TBCD: variants seen among roughly 807,000 people sequenced by gnomAD.
TBCD encodes the protein tubulin folding cofactor D, also known as tubulin-specific chaperone D.
Under a neutral mutation model 169.3 loss-of-function variants are expected in TBCD, and 105 were observed. That is an observed-to-expected ratio of 0.62 (90% CI 0.53 to 0.73). TBCD has a LOEUF of 0.73. Ranked by LOEUF, TBCD falls within the 30% of genes least tolerant of loss-of-function variation. The pLI, the probability that TBCD is intolerant of heterozygous loss-of-function variation, is 0.00. For synonymous variants in TBCD, 700 were observed against 643.9 expected (o/e 1.09, Z -1.32); for missense variants, 1,444 against 1,600.1 (o/e 0.90, Z 1.66).
chr17:82,817,562 G>A (rs750621122), intron 13 of TBCD, among the ~76,000 whole-genome samples: 5 of 152,148 alleles, frequency 3.3e-5, no homozygotes, highest in Admixed American at 6.5e-5. Flanking sequence ...CTCCCAAAGT[G>A]CTAGGATTAT....
chr17:82,876,293 C>G (rs1599131573), intron 14 of TBCD, among the ~76,000 whole-genome samples: 1 of 152,318 alleles, frequency 6.6e-6, no homozygotes, highest in Middle Eastern at 3.4e-3. Flanking sequence ...ATCACATAAA[C>G]TTCTCCAGCG....
intron 13 of TBCD, among the ~76,000 whole-genome samples, chr17:82,851,342 A>G (rs1008730722): frequency 5.9e-5 from 9 of 152,248 alleles, no homozygotes; most frequent in African/African-American, 1.7e-4. Context: ...GGATGCAGCT[A>G]AGGAAACTTA....
In TBCD at chr17:82,927,171, C is replaced by G; in HGVS notation, c.2472-15C>G. 2 of 1,613,932 alleles carry G rather than the reference C, an allele frequency of 1.2e-6. No homozygotes were observed. The highest frequency in any genetic ancestry group is 1.7e-6 in the Non-Finnish European group (2 of 1,179,832). Reference sequence around the variant, plus strand: ...ACCGATGTTTGTTTGTTAGCTCACACATTTTAAATTTCAGGATTTGCCAGA... The same window carrying G: ...ACCGATGTTTGTTTGTTAGCTCACAGATTTTAAATTTCAGGATTTGCCAGA... On this transcript the variant is annotated splice_polypyrimidine_tract_variant and intron_variant, in intron 28 of 38. Coordinates refer to ENST00000355528, the MANE Select transcript of TBCD (RefSeq NM_005993.5).
chr17:82,857,676 C>T (rs57481885), intron 13 of TBCD, among the ~76,000 whole-genome samples: 4 of 149,790 alleles, frequency 2.7e-5, no homozygotes, highest in Non-Finnish European at 4.4e-5. Context: ...TGAAGCTTGT[C>T]GGAGTGTTAT....
At chr17:82,865,364 C>T (rs907915735) in intron 13 of TBCD, 7 of 740,084 alleles carry the variant, frequency 9.5e-6, no homozygotes, top group Admixed American at 6.3e-5. Context: ...GCAGGCTCCA[C>T]GCTGAGGGTC....
chr17:82,814,381 A>G (rs666404), intron 12 of TBCD, among the ~76,000 whole-genome samples: 75,177 of 152,110 alleles, frequency 0.49, 18,794 homozygotes, highest in South Asian at 0.65. Context: ...GGGACGGCAC[A>G]GACGGGACGG....
chr17:82,927,778 G>A (rs984786238), intron 29 of TBCD, 127 bp from the exon 30 acceptor site: 31 of 767,822 alleles, frequency 4.0e-5, no homozygotes, highest in East Asian at 1.3e-4. Flanking sequence ...CCCTGGCAGC[G>A]TGCCTGGGCT....
At chr17:82,807,731 C>A in intron 11 of TBCD, 63 bp downstream of exon 11, 1 of 1,298,134 alleles carries the variant, frequency 7.7e-7, no homozygotes, top group South Asian at 2.0e-5. Flanking sequence ...TGCGATTCAG[C>A]AGCTACAAAT....
At chr17:82,935,677 T>A (rs544591403) in intron 34 of TBCD, among the ~76,000 whole-genome samples, 18 of 152,342 alleles carry the variant, frequency 1.2e-4, no homozygotes, top group African/African-American at 4.3e-4. Context: ...TATTAGAACG[T>A]GTTGGTTCCG....
intron 17 of TBCD, among the ~76,000 whole-genome samples, chr17:82,896,298 T>C (rs1328777645): frequency 2.0e-5 from 3 of 152,078 alleles, no homozygotes; most frequent in Non-Finnish European, 4.4e-5. Flanking sequence ...GTACGTGGCG[T>C]CTGTCTCCAC....
chr17:82,890,876 T>G lies in TBCD; in HGVS notation c.1563+1179T>G, dbSNP rs1291218052. Among the ~76,000 whole-genome samples the G allele has an allele frequency of 6.6e-6, 1 of 152,162 alleles. No homozygotes were observed. The highest frequency in any genetic ancestry group is 2.4e-5 in the African/African-American group (1 of 41,444). On this transcript the variant is annotated intron_variant, in intron 16 of 38. Transcript: ENST00000355528. This position sits in a 1 kb window ranked among gnomAD's most constrained non-coding sequence, Gnocchi z 5.3. ...AGAATGTGAACGAGGTTTGGTCTTT[T>G]GAGTGGAGAGTGTGGCTGCTGTGAG...
intron 18 of TBCD, among the ~76,000 whole-genome samples, chr17:82,900,981 G>GCA (rs2059849975): frequency 1.3e-5 from 2 of 152,370 alleles, no homozygotes; most frequent in East Asian, 3.9e-4. Context: ...GTCCACGCTG[G>GCA]CGTGTTGTGG....
chr17:82,872,278 G>A (rs1172051893), intron 14 of TBCD, among the ~76,000 whole-genome samples: 19 of 152,230 alleles, frequency 1.2e-4, no homozygotes. Flanking sequence ...GCTGGCCAAC[G>A]TGTTATGGAG....
Position 82,926,508 on chromosome 17 carries a change from C to T in TBCD, c.2471+17C>T, listed in dbSNP as rs1210543030. 6.2e-7 allele frequency: 1 copy of T among 1,610,710 alleles called. No individual in the cohort carries two copies. Among genetic ancestry groups the T allele is most frequent in the African/African-American group, 1.3e-5 (1 of 74,836 alleles). ...CATTGCGAGGTGAGTCCCAACAGTTCCTCCCTAAAGTCGTAAGTCTCTGAA... is the reference window on the plus strand; with the variant it reads ...CATTGCGAGGTGAGTCCCAACAGTTTCTCCCTAAAGTCGTAAGTCTCTGAA... On this transcript the variant is annotated intron_variant, in intron 28 of 38. Transcript: ENST00000355528.
rs78542687 is a variant in TBCD at position 82,889,097 on chromosome 17, G to A, written c.1534-571G>A. ...GCTCTGCCTGGTCGGTGCGCCTAAG[G>A]GGGGCAGGGTGTTTGGGGAGGACAT... is the stretch of plus-strand genomic sequence containing the variant. On this transcript the variant is annotated intron_variant, in intron 15 of 38. Transcript: ENST00000355528. The surrounding 1 kb of genome is among the most constrained non-coding windows in gnomAD (Gnocchi z 5.3). Among the ~76,000 whole-genome samples, 8 of 152,324 alleles carry A rather than the reference G, an allele frequency of 5.3e-5. No individual in the cohort carries two copies. Among genetic ancestry groups the A allele is most frequent in the African/African-American group, 1.7e-4 (7 of 41,574 alleles).
intron 10 of TBCD, among the ~76,000 whole-genome samples, chr17:82,807,357 G>A (rs369570694): frequency 6.6e-6 from 1 of 152,224 alleles, no homozygotes; most frequent in African/African-American, 2.4e-5. Flanking sequence ...GGGGCAGGCA[G>A]CTGCTCCCTG....
intron 23 of TBCD, 40 bp downstream of exon 23, chr17:82,911,829 C>T (rs761857961): frequency 1.9e-6 from 3 of 1,611,090 alleles, no homozygotes; most frequent in African/African-American, 2.7e-5. Context: ...CAGCCCTTTG[C>T]CGCAGCCATC....
chr17:82,919,033 A>G (rs911413889), intron 23 of TBCD, among the ~76,000 whole-genome samples: 1 of 152,214 alleles, frequency 6.6e-6, no homozygotes, highest in Non-Finnish European at 1.5e-5. Flanking sequence ...CCTCGAAGAA[A>G]TTTTAGGAGA....
At chr17:82,912,935 C>A (rs117410093) in intron 23 of TBCD, 1 of 152,260 alleles carries the variant, frequency 6.6e-6, no homozygotes, top group African/African-American at 2.4e-5. Flanking sequence ...TGTCAGCTGA[C>A]GTCAGAGGCA....
Sources: gnomAD v4.1 joint callset for allele counts (sites outside exome capture counted in the v4.1 genomes callset) on GRCh38, gnomAD v4.1.1 for gene constraint, Gnocchi (gnomAD v3.1) non-coding constraint, MANE v1.5 for transcripts, NCBI Gene and HGNC (gene_info 2026-07-23, HGNC 2026-07-21) for gene names.